NSRP1: variants seen among roughly 807,000 people sequenced by gnomAD.
NSRP1 encodes nuclear speckle splicing regulatory protein 1, also known as coiled-coil domain containing 55.
Under a neutral mutation model 54.7 loss-of-function variants are expected in NSRP1, and 24 were observed. The observed-to-expected ratio is 0.44, with a 90% CI of 0.32 to 0.62. The LOEUF is 0.62. Ranked by LOEUF, NSRP1 falls within the 20% of genes least tolerant of loss-of-function variation. The pLI is 0.06. For missense variants in NSRP1, 596 were observed against 651.2 expected (o/e 0.92, Z 0.92); for synonymous variants, 210 against 213.8 (o/e 0.98, Z 0.15).
Position 30,185,630 on chromosome 17 carries a change from G to A in NSRP1, c.1633G>A (p.Ala545Thr). The change falls in exon 7 of 7, where the codon GCG (alanine) becomes ACG (threonine). Residue 545 changes from alanine (A) to threonine (T), a missense_variant. By Grantham distance (58) the Ala-to-Thr change is moderately conservative. Transcript: ENST00000247026. ...AGACAGGTACTTGGCCAGGCAGATG[G>A]CGCGGGTTAATGCAAAGACCTATAT... Reference protein sequence around the residue: ...ARDRYLARQMARVNAKTYIEK... With the variant: ...ARDRYLARQMTRVNAKTYIEK... The A allele has an allele frequency of 1.9e-6, 3 of 1,611,444 alleles. No homozygotes were observed. The East Asian group carries it at 6.7e-5, about 36-fold the overall frequency.
At chr17:30,122,349 T>TGTGTGTGTGTGTG (rs1481107161) in intron 2 of NSRP1, 5 of 72,314 alleles carry the variant, frequency 6.9e-5, no homozygotes, top group African/African-American at 2.8e-4. Flanking sequence ...ATAACTCTGG[T>TGTGTGTGTGTGTG]TTCATATATA....
chr17:30,140,774 C>T (rs947876847), intron 2 of NSRP1, among the ~76,000 whole-genome samples: 1 of 152,096 alleles, frequency 6.6e-6, no homozygotes, highest in African/African-American at 2.4e-5. Flanking sequence ...GTGATCCGCA[C>T]TCCTTGGCCG....
intron 2 of NSRP1, among the ~76,000 whole-genome samples, chr17:30,153,038 C>G (rs1337542368): frequency 6.6e-6 from 1 of 151,282 alleles, no homozygotes; most frequent in Non-Finnish European, 1.5e-5. Flanking sequence ...CTCACCTCTC[C>G]TCAGTAGCTG....
chr17:30,171,934 T>TCACACACACACACACA (rs746244255), intron 2 of NSRP1, among the ~76,000 whole-genome samples: 4 of 113,420 alleles, frequency 3.5e-5, no homozygotes, highest in African/African-American at 1.0e-4. Context: ...TCCCCATTTC[T>TCACACACACACACACA]CACACACACA....
chr17:30,133,814 A>G (rs1350669236), intron 2 of NSRP1, among the ~76,000 whole-genome samples: 1 of 152,228 alleles, frequency 6.6e-6, no homozygotes, highest in Non-Finnish European at 1.5e-5. Flanking sequence ...TCTTCAGACT[A>G]CTAAAATTCT....
chr17:30,126,163 C>G (rs567479522), intron 2 of NSRP1: 3 of 152,156 alleles, frequency 2.0e-5, no homozygotes, highest in African/African-American at 7.2e-5. Context: ...ATCACTGATC[C>G]TCAGTCCTGA....
chr17:30,131,751 A>G (rs1164398990), intron 2 of NSRP1, among the ~76,000 whole-genome samples: 1 of 152,010 alleles, frequency 6.6e-6, no homozygotes, highest in African/African-American at 2.4e-5. Context: ...TGCTGCATTG[A>G]TCGACTCTTC....
At chr17:30,163,311 G>A (rs113153446) in intron 2 of NSRP1, 13,784 of 150,982 alleles carry the variant, frequency 0.091, 816 homozygotes, top group Admixed American at 0.14. Flanking sequence ...GAGCTCAAGC[G>A]ATCCACCCTC....
chr17:30,144,708 G>A (rs2071837544), intron 2 of NSRP1: 1 of 152,092 alleles, frequency 6.6e-6, no homozygotes, highest in Non-Finnish European at 1.5e-5. Context: ...CTTTTACAAA[G>A]GAAAGAACTG....
chr17:30,150,549 A>G (rs1270530379), intron 2 of NSRP1: 1 of 148,370 alleles, frequency 6.7e-6, no homozygotes, highest in Non-Finnish European at 1.5e-5. Context: ...CGCCCGGCTA[A>G]TTATTTGTAT....
intron 2 of NSRP1, among the ~76,000 whole-genome samples, chr17:30,166,833 G>C (rs1020302882): frequency 6.6e-6 from 1 of 152,162 alleles, no homozygotes; most frequent in Non-Finnish European, 1.5e-5. Context: ...GGCTGAGGCA[G>C]GAGAATCGCT....
intron 6 of NSRP1, among the ~76,000 whole-genome samples, chr17:30,183,453 T>C (rs1905387336): frequency 1.3e-5 from 2 of 152,224 alleles, no homozygotes; most frequent in Admixed American, 1.3e-4. Flanking sequence ...ATCTTTGTAT[T>C]AGAGTTTCAT....
intron 2 of NSRP1, chr17:30,163,221 GTGTGTGTGTGTGTGTGTGTGTGTGTGTT>G (rs1471447827): frequency 1.4e-5 from 2 of 146,368 alleles, no homozygotes; most frequent in African/African-American, 5.3e-5. Flanking sequence ...GTGTGTGTGT[GTGTGTGTGTGTGTGTGTGTGTGTGTGTT>G]TTTAGTAGAG....
At position 30,149,834 on chromosome 17, in the gene NSRP1, C is replaced by CAAAA. The variant is rs773066888; in HGVS notation, c.115-22691_115-22688dup. The stretch of plus-strand genomic sequence containing the variant: ...TGAGTGACAGAGCAAGACCCTGTCT[C>CAAAA]AAAAAAAAAAAAAAAAAAAATACCA... On this transcript the variant is annotated intron_variant, in intron 2 of 6. Transcript: ENST00000247026. 3.5e-3 allele frequency among the ~76,000 whole-genome samples: 342 copies of CAAAA among 98,658 alleles called. 1 individual carries two copies. Among genetic ancestry groups the CAAAA allele is most frequent in the African/African-American group, 0.013 (332 of 24,750 alleles). The allele number at this position is 98,658 out of a possible 152,430, so 64.7% of individuals were successfully genotyped here.
At position 30,180,668 on chromosome 17, in the gene NSRP1, TTACTGAGCTCTGCCTTTGTAG is replaced by T. The variant is rs1202157825; in HGVS notation, c.509-236_509-216del. 3.3e-5 allele frequency among the ~76,000 whole-genome samples: 5 copies of T among 152,192 alleles called. No homozygotes were observed. The East Asian group carries it at 9.6e-4, about 29-fold the overall frequency. On this transcript the variant is annotated intron_variant, in intron 5 of 6. Transcript: ENST00000247026. ...TTTGTGTATATGATCTCTGTCGCAG[TTACTGAGCTCTGCCTTTGTAG>T]TACAAAAGCAGTTGTGGACAATACA...
intron 1 of NSRP1, among the ~76,000 whole-genome samples, chr17:30,117,801 C>G (rs1312962801): frequency 6.9e-6 from 1 of 145,968 alleles, no homozygotes; most frequent in Non-Finnish European, 1.5e-5. Flanking sequence ...ACTTCGCCAT[C>G]TTAAAACATT....
Position 30,129,026 on chromosome 17 carries a change from G to A in NSRP1, c.114+10853G>A, listed in dbSNP as rs115719324. ...TCCTGCTTTGGTGTCCCCAAGTGCT[G>A]GGATTACAGGTGTGAGCCACCACGC... On this transcript the variant is annotated intron_variant, in intron 2 of 6. Transcript: ENST00000247026. Among the ~76,000 whole-genome samples, 540 of 151,008 alleles carry A rather than the reference G, an allele frequency of 3.6e-3. 4 individuals are homozygous for A. The highest frequency in any genetic ancestry group is 0.012 in the African/African-American group (505 of 41,196).
At chr17:30,170,305 C>A (rs1418116345) in intron 2 of NSRP1, among the ~76,000 whole-genome samples, 2 of 152,050 alleles carry the variant, frequency 1.3e-5, no homozygotes, top group African/African-American at 4.8e-5. Context: ...ATCTTACATA[C>A]TTTTTTTGTT....
intron 2 of NSRP1, among the ~76,000 whole-genome samples, chr17:30,156,365 A>G (rs1238954392): frequency 2.7e-5 from 3 of 111,208 alleles, no homozygotes; most frequent in Non-Finnish European, 5.7e-5. Context: ...GCCTCTGTTC[A>G]CTATCATTCT....
Sources: gnomAD v4.1 joint callset for allele counts (sites outside exome capture counted in the v4.1 genomes callset) on GRCh38, gnomAD v4.1.1 for gene constraint, MANE v1.5 for transcripts, NCBI Gene and HGNC (gene_info 2026-07-23, HGNC 2026-07-21) for gene names.